ANKRD6: variants seen among roughly 807,000 people sequenced by gnomAD.
ANKRD6 encodes ankyrin repeat domain 6.
ANKRD6 carries 56 observed loss-of-function variants against 82.3 expected under a neutral mutation model. That is an observed-to-expected ratio of 0.68 (90% CI 0.55 to 0.85). ANKRD6 has a LOEUF of 0.85. ANKRD6 is among the 40% of genes least tolerant of loss of function. The pLI is 0.00. For synonymous variants in ANKRD6, 347 were observed against 352.1 expected (o/e 0.99, Z 0.16); for missense variants, 852 against 907.6 (o/e 0.94, Z 0.79).
chr6:89,557,658 G>T (rs139145534), intron 1 of ANKRD6, among the ~76,000 whole-genome samples: 1 of 152,178 alleles, frequency 6.6e-6, no homozygotes, highest in Non-Finnish European at 1.5e-5. Context: ...CTTGTCCGTG[G>T]CCTGTTAGGA....
At chr6:89,505,393 C>T (rs758861396) in intron 1 of ANKRD6, among the ~76,000 whole-genome samples, 7 of 152,184 alleles carry the variant, frequency 4.6e-5, no homozygotes, top group Non-Finnish European at 8.8e-5. Context: ...GCATTTTAAG[C>T]AGAAGGAGAC....
At chr6:89,581,535 C>T (rs879740871) in intron 2 of ANKRD6, 2 of 152,406 alleles carry the variant, frequency 1.3e-5, no homozygotes, top group Non-Finnish European at 2.9e-5. Flanking sequence ...CCTTTCTAGC[C>T]TTCTCTCCAG....
chr6:89,456,445 C>T (rs1234327908), intron 1 of ANKRD6, among the ~76,000 whole-genome samples: 1 of 152,228 alleles, frequency 6.6e-6, no homozygotes, highest in Non-Finnish European at 1.5e-5. Context: ...CCCAAGGCCT[C>T]TTTGGCTTCA....
intron 1 of ANKRD6, among the ~76,000 whole-genome samples, chr6:89,478,806 T>A (rs953188670): frequency 6.6e-5 from 10 of 151,496 alleles, no homozygotes; most frequent in South Asian, 6.3e-4. Flanking sequence ...AAAATTTTTT[T>A]AAAAGAAATG....
At chr6:89,578,042 A>G (rs1331212259) in intron 2 of ANKRD6, among the ~76,000 whole-genome samples, 1 of 152,232 alleles carries the variant, frequency 6.6e-6, no homozygotes, top group Non-Finnish European at 1.5e-5. Flanking sequence ...GAGCTTGTTC[A>G]TAGAGGGTGA....
chr6:89,622,030 G>T lies in ANKRD6; in HGVS notation c.897+4G>T. The T allele has an allele frequency of 6.2e-7, 1 of 1,611,582 alleles. No individual in the cohort carries two copies. Among genetic ancestry groups the T allele is most frequent in the South Asian group, 1.1e-5 (1 of 90,980 alleles). ...AGATGAGGTGGCCCAAAGCAAGGTG[G>T]GGGGCAGTCCTCCCGCCGTCCCCAC... On this transcript the variant is annotated splice_donor_region_variant and intron_variant, in intron 10 of 15. Transcript: ENST00000339746.
At chr6:89,581,539 T>C (rs913787824) in intron 2 of ANKRD6, 1 of 152,342 alleles carries the variant, frequency 6.6e-6, no homozygotes, top group Admixed American at 6.5e-5. Flanking sequence ...TCTAGCCTTC[T>C]CTCCAGGAGC....
intron 1 of ANKRD6, among the ~76,000 whole-genome samples, chr6:89,502,067 G>T (rs545759331): frequency 2.6e-5 from 4 of 152,260 alleles, no homozygotes; most frequent in Non-Finnish European, 5.9e-5. Context: ...AATTACACTT[G>T]CCTTAAATCT....
chr6:89,450,975 A>G (rs1263328304), intron 1 of ANKRD6, among the ~76,000 whole-genome samples: 1 of 152,204 alleles, frequency 6.6e-6, no homozygotes, highest in Non-Finnish European at 1.5e-5. Flanking sequence ...GTCTGTAACC[A>G]AACCACAGTA....
chr6:89,596,126 C>A, intron 3 of ANKRD6, 112 bp downstream of exon 3: 1 of 895,496 alleles, frequency 1.1e-6, no homozygotes, highest in Non-Finnish European at 1.8e-6. Context: ...TCTCGCAGCA[C>A]ATTTTAGCTG....
intron 1 of ANKRD6, among the ~76,000 whole-genome samples, chr6:89,443,943 A>G (rs543879471): frequency 6.6e-6 from 1 of 152,252 alleles, no homozygotes; most frequent in Non-Finnish European, 1.5e-5. Context: ...TCGCTTCCGA[A>G]TAGAAATGAT....
At chr6:89,597,221 G>A (rs1223893841) in intron 3 of ANKRD6, among the ~76,000 whole-genome samples, 6 of 152,230 alleles carry the variant, frequency 3.9e-5, no homozygotes, top group Non-Finnish European at 8.8e-5. Context: ...TTCAAAAAAT[G>A]TTGATTTAGC....
chr6:89,588,710 A>G (rs746182880), intron 2 of ANKRD6, among the ~76,000 whole-genome samples: 4 of 152,100 alleles, frequency 2.6e-5, no homozygotes, highest in Non-Finnish European at 5.9e-5. Flanking sequence ...CTCTGGTCAT[A>G]AGAATATCAT....
chr6:89,507,313 T>C (rs1779990524), intron 1 of ANKRD6, among the ~76,000 whole-genome samples: 1 of 152,222 alleles, frequency 6.6e-6, no homozygotes, highest in African/African-American at 2.4e-5. Flanking sequence ...TGAACAGCAA[T>C]TTTAGCATAC....
At chr6:89,617,844 GT>G in intron 8 of ANKRD6, 109 bp from the exon 9 acceptor site, 1 of 1,000,386 alleles carries the variant, frequency 1.0e-6, no homozygotes, top group Non-Finnish European at 1.6e-6. Flanking sequence ...TAGGTGCTGG[GT>G]GTGACTGGGT....
intron 3 of ANKRD6, among the ~76,000 whole-genome samples, chr6:89,598,723 A>G (rs981231117): frequency 3.3e-5 from 5 of 152,246 alleles, no homozygotes; most frequent in Admixed American, 2.0e-4. Context: ...ATGGGTCAAC[A>G]TGTTCCAAAT....
At chr6:89,443,117 T>C (rs1771633959) in intron 1 of ANKRD6, among the ~76,000 whole-genome samples, 1 of 152,222 alleles carries the variant, frequency 6.6e-6, no homozygotes, top group Admixed American at 6.5e-5. Context: ...ACCTTATTGC[T>C]ACAAAGAATC....
At chr6:89,445,011 A>G (rs149782254) in intron 1 of ANKRD6, among the ~76,000 whole-genome samples, 47 of 152,280 alleles carry the variant, frequency 3.1e-4, no homozygotes, top group African/African-American at 1.1e-3. Context: ...ATTCCTTTAC[A>G]TAATGAGCTC....
intron 1 of ANKRD6, among the ~76,000 whole-genome samples, chr6:89,482,667 G>A (rs1455430396): frequency 6.6e-6 from 1 of 152,152 alleles, no homozygotes; most frequent in Non-Finnish European, 1.5e-5. Context: ...TCCCCACCTT[G>A]TGTAGATACT....
Sources: gnomAD v4.1 joint callset for allele counts (sites outside exome capture counted in the v4.1 genomes callset) on GRCh38, gnomAD v4.1.1 for gene constraint, MANE v1.5 for transcripts, NCBI Gene and HGNC (gene_info 2026-07-23, HGNC 2026-07-21) for gene names.